The following CMPK1 variants were observed in gnomAD, a reference collection of about 807,000 sequenced individuals.
CMPK1 encodes cytidine/uridine monophosphate kinase 1, also known as UMP-CMP kinase.
In CMPK1, 10 loss-of-function variants were observed where a neutral mutation model predicts 25.7. That is an observed-to-expected ratio of 0.39 (90% CI 0.24 to 0.66). The LOEUF (loss-of-function observed/expected upper bound fraction) is 0.66, where lower values mean the gene tolerates loss of function less well. CMPK1 is among the 30% of genes least tolerant of loss of function. CMPK1 has a pLI of 0.48. For missense variants in CMPK1, 199 were observed against 280.5 expected, an observed-to-expected ratio of 0.71 and a Z score of 2.08; for synonymous variants, 106 against 101.5, an observed-to-expected ratio of 1.04 and a Z score of -0.27.
At chr1:47,350,950 A>AC (rs1376743650) in intron 1 of CMPK1, among the ~76,000 whole-genome samples, 1 of 151,188 alleles carries the variant, frequency 6.6e-6, no homozygotes, top group African/African-American at 2.4e-5. Context: ...CAGATCCCCC[A>AC]CCCTTCCCTA....
rs150945776 is a variant in CMPK1 at position 47,350,260 on chromosome 1, C to T, written c.171+16144C>T. Among the ~76,000 whole-genome samples the T allele has an allele frequency of 5.2e-3, 787 of 150,888 alleles. 4 individuals carry two copies. The highest frequency in any genetic ancestry group is 0.017 in the South Asian group (81 of 4,730). ...CACCTACTGTTTTTTTTTCTTGAGA[C>T]AGGACCTTGCGCTGTCACCAGGCTG... On this transcript the variant is annotated intron_variant, in intron 1 of 5. Coordinates refer to ENST00000371873, the MANE Select transcript of CMPK1 (RefSeq NM_016308.3).
intron 1 of CMPK1, among the ~76,000 whole-genome samples, chr1:47,346,649 G>A (rs1412443770): frequency 6.6e-6 from 1 of 151,858 alleles, no homozygotes; most frequent in Non-Finnish European, 1.5e-5. Flanking sequence ...CACTACAGGT[G>A]TGCGCCACCA....
chr1:47,358,642 T>G (rs1646580036), intron 1 of CMPK1: 1 of 993,204 alleles, frequency 1.0e-6, no homozygotes, highest in South Asian at 4.5e-5. Context: ...TATAAAACCT[T>G]AAGCACTCTA....
chr1:47,341,252 G>A (rs1646438878), intron 1 of CMPK1, among the ~76,000 whole-genome samples: 1 of 152,152 alleles, frequency 6.6e-6, no homozygotes, highest in Non-Finnish European at 1.5e-5. Context: ...GAACAAAAAT[G>A]CAAATATTTA....
chr1:47,372,156 C>T (rs573099387), intron 2 of CMPK1, among the ~76,000 whole-genome samples: 60 of 151,410 alleles, frequency 4.0e-4, no homozygotes, highest in African/African-American at 1.3e-3. Flanking sequence ...TGCTGTGGCA[C>T]GATCTCGGCT....
At chr1:47,369,905 C>CTT (rs1646665518) in intron 2 of CMPK1, among the ~76,000 whole-genome samples, 1 of 95,390 alleles carries the variant, frequency 1.0e-5, no homozygotes, top group Non-Finnish European at 2.2e-5. Flanking sequence ...TCTTCTTTCT[C>CTT]TCTCTTTTTT....
rs752736570 is a variant in CMPK1 at position 47,374,969 on chromosome 1, G to A, written c.532G>A (p.Glu178Lys). ...KSSGRSDDNR[E>K]SLEKRIQTYL... is the part of the protein sequence containing the mutation. Reference sequence around the variant, plus strand: ...TAGTGGTAGGAGTGATGACAACAGAGAGAGCTTGGAAAAGAGGTACTTGGC... The same window carrying A: ...TAGTGGTAGGAGTGATGACAACAGAAAGAGCTTGGAAAAGAGGTACTTGGC... Residue 178 changes from glutamate to lysine, a missense_variant, in exon 4 of 6, where the codon GAG becomes AAG. Physicochemically the swap from Glu to Lys is moderately conservative, Grantham distance 56. Transcript: ENST00000371873. The A allele has an allele frequency of 5.0e-6, 8 of 1,612,674 alleles. No individual in the cohort carries two copies. In the Admixed American group the frequency reaches 6.7e-5, roughly 13 times the overall value.
Position 47,334,090 on chromosome 1 carries a change from G to A in CMPK1, c.145G>A (p.Gly49Arg). ...FVLGGPGAGK[G>R]TQCARIVEKY... Reference sequence around the variant, plus strand: ...CCTCGGCGGCCCCGGCGCCGGCAAGGGGACCCAGTGCGCCCGCATCGTCGA... The same window carrying A: ...CCTCGGCGGCCCCGGCGCCGGCAAGAGGACCCAGTGCGCCCGCATCGTCGA... The change falls in exon 1 of 6, where the codon GGG becomes AGG. Residue 49 changes from glycine (G) to arginine (R), a missense_variant. Gly to Arg is a moderately radical substitution (Grantham distance 125). Around this residue, in one of 2 missense-constraint regions of CMPK1, gnomAD observed 140 missense variants for 235.5 expected, o/e 0.59. Transcript: ENST00000371873. The A allele has an allele frequency of 6.5e-7, 1 of 1,527,632 alleles. No individual in the cohort carries two copies. The highest frequency in any genetic ancestry group is 8.8e-7 in the Non-Finnish European group (1 of 1,135,786). 94.6% of individuals were successfully genotyped at this position (1,527,632 alleles called of 1,614,324 possible).
At chr1:47,376,626 A>C (rs1646710349) in intron 5 of CMPK1, 78 bp from the exon 6 acceptor site, 3 of 938,392 alleles carry the variant, frequency 3.2e-6, no homozygotes, top group African/African-American at 1.7e-5. Context: ...AAATTTGATT[A>C]TTTTTAATAA....
intron 1 of CMPK1, among the ~76,000 whole-genome samples, chr1:47,341,819 C>T (rs1239934017): frequency 6.6e-6 from 1 of 151,272 alleles, no homozygotes; most frequent in African/African-American, 2.4e-5. Context: ...GAGACAGTTT[C>T]ACCGTGTTAG....
intron 1 of CMPK1, among the ~76,000 whole-genome samples, chr1:47,353,628 T>TA (rs750768485): frequency 6.6e-6 from 1 of 152,204 alleles, no homozygotes; most frequent in Non-Finnish European, 1.5e-5. Flanking sequence ...TTCTTATCCT[T>TA]ACTTCATGTG....
At chr1:47,343,142 A>G (rs1646454215) in intron 1 of CMPK1, among the ~76,000 whole-genome samples, 2 of 150,788 alleles carry the variant, frequency 1.3e-5, no homozygotes, top group South Asian at 4.2e-4. Context: ...ACATGCCACC[A>G]CACCCAGTTA....
chr1:47,334,342 T>G (rs1646380111), intron 1 of CMPK1, among the ~76,000 whole-genome samples: 1 of 152,112 alleles, frequency 6.6e-6, no homozygotes, highest in African/African-American at 2.4e-5. Context: ...GAGGTCGCTT[T>G]GTTCCTGCGC....
chr1:47,364,679 T>C, intron 1 of CMPK1, among the ~76,000 whole-genome samples: 1 of 148,276 alleles, frequency 6.7e-6, no homozygotes, highest in South Asian at 2.1e-4. Context: ...ATAAATTTTA[T>C]ATATTATATG....
chr1:47,343,763 C>G (rs1228314904), intron 1 of CMPK1, among the ~76,000 whole-genome samples: 4 of 151,672 alleles, frequency 2.6e-5, no homozygotes, highest in Admixed American at 1.3e-4. Context: ...TGGCGGGCGC[C>G]TGTAGTCCAG....
At chr1:47,365,795 T>C (rs575493893) in intron 1 of CMPK1, among the ~76,000 whole-genome samples, 1 of 152,292 alleles carries the variant, frequency 6.6e-6, no homozygotes, top group South Asian at 2.1e-4. Flanking sequence ...GCATGATCCG[T>C]AAAGGTTATT....
Position 47,375,252 on chromosome 1 carries a change from G to T in CMPK1, c.604G>T (p.Gly202Trp). Residue 202 changes from glycine (G) to tryptophan (W), a missense_variant, in exon 5 of 6, where the codon GGG (glycine) becomes TGG (tryptophan). Gly to Trp is a radical substitution (Grantham distance 184). Around this residue, in one of 2 missense-constraint regions of CMPK1, gnomAD observed 140 missense variants for 235.5 expected, o/e 0.59. Coordinates refer to ENST00000371873, the MANE Select transcript of CMPK1 (RefSeq NM_016308.3). ...KPIIDLYEEM[G>W]KVKKIDASKS... ...AATTATTGACTTATATGAAGAAATG[G>T]GGAAAGTCAAGAAAATAGATGCTTC... is the stretch of plus-strand genomic sequence containing the variant. 6.2e-7 allele frequency: 1 copy of T among 1,607,816 alleles called. No individual in the cohort carries two copies. The highest frequency in any genetic ancestry group is 8.5e-7 in the Non-Finnish European group (1 of 1,178,320).
At chr1:47,362,693 T>C (rs1303511567) in intron 1 of CMPK1, among the ~76,000 whole-genome samples, 7 of 152,368 alleles carry the variant, frequency 4.6e-5, no homozygotes, top group African/African-American at 1.7e-4. Context: ...AAAAGCTTTC[T>C]ACTTAAGAAA....
intron 2 of CMPK1, 85 bp from the exon 3 acceptor site, chr1:47,372,870 T>A: frequency 1.1e-6 from 1 of 886,866 alleles, no homozygotes. Flanking sequence ...ATAATAATAA[T>A]AAAACACCCA....
Sources: gnomAD v4.1 joint callset for allele counts (sites outside exome capture counted in the v4.1 genomes callset) on GRCh38, gnomAD v4.1.1 for gene constraint, gnomAD v4.1.1 regional missense constraint, MANE v1.5 for transcripts, NCBI Gene and HGNC (gene_info 2026-07-23, HGNC 2026-07-21) for gene names.